Variants in GRIK2 observed in about 807,000 individuals in gnomAD.
The protein encoded by GRIK2 is glutamate receptor ionotropic, kainate 2.
Under a neutral mutation model 100.3 loss-of-function variants are expected in GRIK2, and 32 were observed. That is an observed-to-expected ratio of 0.32 (90% confidence interval 0.24 to 0.43). The LOEUF (loss-of-function observed/expected upper bound fraction) is 0.43. GRIK2 is among the 20% of genes least tolerant of loss of function. The probability of loss-of-function intolerance (pLI) is 1.00; values close to 1 mark genes in which losing one functional copy is unlikely to be tolerated. For missense variants in GRIK2, 843 were observed against 1,114.9 expected, an observed-to-expected ratio of 0.76 and a Z score of 3.47; for synonymous variants, 417 against 389.4, an observed-to-expected ratio of 1.07 and a Z score of -0.83.
intron 10 of GRIK2, among the ~76,000 whole-genome samples, chr6:101,852,380 G>A (rs926830290): frequency 6.6e-6 from 1 of 151,990 alleles, no homozygotes. Context: ...CTACACATGG[G>A]TTAGTGACTT....
At position 101,700,280 on chromosome 6, in the gene GRIK2, A is replaced by G. The variant is rs1772795413; in HGVS notation, c.951+13927A>G. On this transcript the variant is annotated intron_variant, in intron 7 of 16. Coordinates refer to ENST00000369134, the MANE Select transcript of GRIK2 (RefSeq NM_021956.5). ...TTATTTTAGCATCACTAAGTACAGG[A>G]CACCCCTGCTATAAACGTTATAAAA... Among the ~76,000 whole-genome samples, 2 of 152,008 alleles carry G rather than the reference A, an allele frequency of 1.3e-5. 1 individual carries two copies. The highest frequency in any genetic ancestry group is 4.1e-4 in the South Asian group (2 of 4,824).
intron 8 of GRIK2, among the ~76,000 whole-genome samples, chr6:101,801,080 T>G (rs1780640513): frequency 6.6e-6 from 1 of 152,068 alleles, no homozygotes; most frequent in Non-Finnish European, 1.5e-5. Flanking sequence ...ATTTTCTTCT[T>G]TGTTTTGGTT....
In GRIK2 at chr6:101,768,887, A is replaced by G. The variant is rs112783937; in HGVS notation, c.952-30761A>G. Among the ~76,000 whole-genome samples, 1,441 of 152,320 alleles carry G rather than the reference A, an allele frequency of 9.5e-3. 22 individuals are homozygous for G. The highest frequency in any genetic ancestry group is 0.032 in the African/African-American group (1,317 of 41,574). ...AGTGCCTACTGCAGTGCCATGTGGTAGGTATTATAGAAAGTAACCTTGTGG... is the reference window on the plus strand; with the variant it reads ...AGTGCCTACTGCAGTGCCATGTGGTGGGTATTATAGAAAGTAACCTTGTGG... On this transcript the variant is annotated intron_variant, in intron 7 of 16. Coordinates refer to ENST00000369134, the MANE Select transcript of GRIK2 (RefSeq NM_021956.5).
At chr6:101,781,602 A>G (rs1779100948) in intron 7 of GRIK2, among the ~76,000 whole-genome samples, 1 of 151,774 alleles carries the variant, frequency 6.6e-6, no homozygotes, top group African/African-American at 2.4e-5. Context: ...ACATACATAT[A>G]CATACATACA....
intron 7 of GRIK2, among the ~76,000 whole-genome samples, chr6:101,773,660 A>C (rs1321839747): frequency 6.6e-6 from 1 of 152,124 alleles, no homozygotes; most frequent in Non-Finnish European, 1.5e-5. Context: ...TTTTCAGTTA[A>C]GTTGTTTTAT....
At chr6:101,617,071 G>T (rs1278462263) in intron 2 of GRIK2, among the ~76,000 whole-genome samples, 1 of 151,578 alleles carries the variant, frequency 6.6e-6, no homozygotes, top group Non-Finnish European at 1.5e-5. Flanking sequence ...AAATATTGAA[G>T]CTACATTTAG....
rs118158359 is a variant in GRIK2 at position 101,787,581 on chromosome 6, G to T, written c.952-12067G>T. ...CCTAATGGTCATTCAAGAGTATGCT[G>T]TTTAGTGTCCATATATTTGTAGAGT... On this transcript the variant is annotated intron_variant, in intron 7 of 16. Transcript: ENST00000369134. Among the ~76,000 whole-genome samples the T allele has an allele frequency of 9.9e-3, 1,510 of 152,108 alleles. 16 individuals carry two copies. Among genetic ancestry groups the T allele is most frequent in the Middle Eastern group, 0.054 (16 of 294 alleles).
intron 7 of GRIK2, among the ~76,000 whole-genome samples, chr6:101,793,037 G>A (rs960402486): frequency 3.3e-5 from 5 of 152,054 alleles, no homozygotes; most frequent in Non-Finnish European, 7.4e-5. Context: ...CGCAGTTCTC[G>A]AGCCTTGGCT....
chr6:101,441,091 C>A (rs1770023543), intron 2 of GRIK2, among the ~76,000 whole-genome samples: 1 of 151,886 alleles, frequency 6.6e-6, no homozygotes, highest in Non-Finnish European at 1.5e-5. Context: ...GATCTTCCTG[C>A]CTCAAGCTTC....
chr6:101,737,458 G>T (rs984965844), intron 7 of GRIK2, among the ~76,000 whole-genome samples: 2 of 152,196 alleles, frequency 1.3e-5, no homozygotes, highest in Non-Finnish European at 2.9e-5. Flanking sequence ...TATGTGGATG[G>T]TGGCAGGCAA....
intron 9 of GRIK2, among the ~76,000 whole-genome samples, chr6:101,806,626 G>GGTTT (rs111581345): frequency 7.1e-6 from 1 of 141,642 alleles, no homozygotes; most frequent in African/African-American, 2.6e-5. Flanking sequence ...CCTACAGAGG[G>GGTTT]TTTTTTTTTT....
intron 7 of GRIK2, among the ~76,000 whole-genome samples, chr6:101,698,670 T>C (rs1036259516): frequency 6.6e-5 from 10 of 152,238 alleles, no homozygotes; most frequent in African/African-American, 2.4e-4. Context: ...CTATGCAATG[T>C]ATGGTATTAT....
intron 10 of GRIK2, among the ~76,000 whole-genome samples, chr6:101,832,166 T>G (rs982218313): frequency 2.8e-4 from 42 of 152,196 alleles, no homozygotes; most frequent in African/African-American, 9.6e-4. Context: ...TGCATTTCTT[T>G]TTATATAATT....
Position 101,523,596 on chromosome 6 carries a change from A to G in GRIK2, c.116-98353A>G, listed in dbSNP as rs185274581. ...GGCAGAAGACCATTCCAAACTGATG[A>G]AAGTATAAAGATCTTCTACTATATC... On this transcript the variant is annotated intron_variant, in intron 2 of 16. Transcript: ENST00000369134. 1.1e-4 allele frequency among the ~76,000 whole-genome samples: 16 copies of G among 152,330 alleles called. No homozygotes were observed. The East Asian group carries it at 1.7e-3, about 17-fold the overall frequency.
At chr6:101,521,530 C>T (rs1341951555) in intron 2 of GRIK2, among the ~76,000 whole-genome samples, 2 of 151,514 alleles carry the variant, frequency 1.3e-5, no homozygotes, top group South Asian at 2.1e-4. Context: ...AATCTGTTTC[C>T]ACAATAATTA....
intron 14 of GRIK2, among the ~76,000 whole-genome samples, chr6:102,006,086 G>T (rs1044983106): frequency 6.6e-6 from 1 of 151,868 alleles, no homozygotes; most frequent in African/African-American, 2.4e-5. Flanking sequence ...ACATTCTCAG[G>T]TATTGAGGGT....
At chr6:101,669,336 T>A (rs1189163121) in intron 4 of GRIK2, among the ~76,000 whole-genome samples, 1 of 152,190 alleles carries the variant, frequency 6.6e-6, no homozygotes, top group Non-Finnish European at 1.5e-5. Flanking sequence ...AACCACATTT[T>A]CAGCAAAATT....
At chr6:102,046,337 C>T (rs960360967) in intron 15 of GRIK2, among the ~76,000 whole-genome samples, 4 of 151,958 alleles carry the variant, frequency 2.6e-5, no homozygotes, top group African/African-American at 9.7e-5. Context: ...TTGCTCTGTC[C>T]CCACCCAAAT....
intron 2 of GRIK2, among the ~76,000 whole-genome samples, chr6:101,471,290 C>T (rs1771933307): frequency 6.6e-6 from 1 of 151,966 alleles, no homozygotes; most frequent in Non-Finnish European, 1.5e-5. Flanking sequence ...ATACCTAATA[C>T]TAATACTAAT....
Sources: allele counts gnomAD v4.1 joint callset (sites outside exome capture counted in the v4.1 genomes callset), GRCh38; gene constraint gnomAD v4.1.1; transcripts MANE v1.5; gene names NCBI Gene and HGNC (gene_info 2026-07-23, HGNC 2026-07-21).